GBF1: variants seen among roughly 807,000 people sequenced by gnomAD.
The protein encoded by GBF1 is golgi brefeldin A resistant guanine nucleotide exchange factor 1.
Under a neutral mutation model 210.5 loss-of-function variants are expected in GBF1, and 114 were observed. The ratio of observed to expected loss-of-function variants is 0.54; its 90% CI spans 0.47 to 0.63. The LOEUF is 0.63. Among genes scored for constraint, GBF1 ranks in the 30% least tolerant of loss-of-function variants. GBF1 has a pLI of 0.00. For missense variants in GBF1, 1,851 were observed against 2,357.7 expected, an observed-to-expected ratio of 0.79 and a Z score of 4.45; for synonymous variants, 850 against 889.2, an observed-to-expected ratio of 0.96 and a Z score of 0.78.
intron 3 of GBF1, among the ~76,000 whole-genome samples, chr10:102,339,953 ATTT>A (rs398014644): frequency 4.6e-5 from 6 of 129,242 alleles, no homozygotes; most frequent in Non-Finnish European, 8.0e-5. Flanking sequence ...TACCTGGTTA[ATTT>A]TTTTTTTTTT....
At chr10:102,353,002 C>T (rs2059097227) in intron 7 of GBF1, among the ~76,000 whole-genome samples, 1 of 152,160 alleles carries the variant, frequency 6.6e-6, no homozygotes, top group South Asian at 2.1e-4. Context: ...TAGCCTAGGG[C>T]CTAGGAGGCC....
intron 29 of GBF1, among the ~76,000 whole-genome samples, chr10:102,373,394 G>A (rs551057225): frequency 6.6e-6 from 1 of 152,316 alleles, no homozygotes; most frequent in East Asian, 1.9e-4. Flanking sequence ...GGCCAACATG[G>A]TGAAACCATG....
chr10:102,285,246 G>T (rs370977227), intron 3 of GBF1, among the ~76,000 whole-genome samples: 1 of 152,172 alleles, frequency 6.6e-6, no homozygotes, highest in African/African-American at 2.4e-5. Flanking sequence ...GGTATTTCTG[G>T]TTTCATTTGC....
Position 102,382,659 on chromosome 10 carries a change from G to A in GBF1, c.*323G>A. The A allele has an allele frequency of 3.4e-6, 1 of 295,252 alleles. No homozygotes were observed. The highest frequency in any genetic ancestry group is 6.3e-6 in the Non-Finnish European group (1 of 159,002). 18.3% of individuals were successfully genotyped at this position (295,252 alleles called of 1,614,324 possible). ...CCCTGCAGTGCCTGCCCACGGTCAG[G>A]CATTGAAAACTAAGCCCAACCACTC... On this transcript the variant is annotated 3_prime_UTR_variant, in exon 40 of 40. Coordinates refer to ENST00000369983, the MANE Select transcript of GBF1 (RefSeq NM_001377137.1).
intron 3 of GBF1, among the ~76,000 whole-genome samples, chr10:102,282,426 G>A (rs987022013): frequency 6.6e-5 from 10 of 152,150 alleles, no homozygotes; most frequent in South Asian, 2.1e-4. Context: ...TGCTTTTCAC[G>A]TGAATAAGGG....
At chr10:102,238,136 T>TA in the GBF1 span, among the ~76,000 whole-genome samples, 1 of 152,180 alleles carries the variant, frequency 6.6e-6, no homozygotes, top group African/African-American at 2.4e-5. Context: ...CCCCAACTCT[T>TA]ACCCCACTGA....
Position 102,375,364 on chromosome 10 carries a change from G to C in GBF1, c.3666G>C (p.Leu1222=). The part of the protein sequence containing the change: ...LRREEISAQV[L]LSLRILLLMK... The stretch of plus-strand genomic sequence containing the variant: ...CTGCCCTAACCCCACTCCAGGTGCT[G>C]CTCTCCCTGCGCATTTTGCTACTGA... The change falls in exon 30 of 40, where the codon CTG becomes CTC. Residue 1222 remains leucine, a synonymous_variant. Transcript: ENST00000369983. 1.2e-6 allele frequency: 2 copies of C among 1,605,682 alleles called. No individual in the cohort carries two copies. Among genetic ancestry groups the C allele is most frequent in the Non-Finnish European group, 1.7e-6 (2 of 1,172,498 alleles).
At chr10:102,251,286 G>A (rs1355113434) in intron 1 of GBF1, among the ~76,000 whole-genome samples, 1 of 152,056 alleles carries the variant, frequency 6.6e-6, no homozygotes, top group African/African-American at 2.4e-5. Flanking sequence ...AAAAAGGTTT[G>A]CCAGTGTGGC....
chr10:102,350,076 C>G (rs896936908), intron 4 of GBF1, among the ~76,000 whole-genome samples: 3 of 152,140 alleles, frequency 2.0e-5, no homozygotes, highest in African/African-American at 7.2e-5. Flanking sequence ...TTGGGCCAGG[C>G]ATGGTAGCTC....
In GBF1 at chr10:102,369,234, A is replaced by G; in HGVS notation, c.2997A>G (p.Val999=). ...AGTCTATTGAGAACCTGCCCAGTGT[A>G]TTTGGAAGCAACCCTAAAGCCCATA... is the stretch of plus-strand genomic sequence containing the variant. The part of the protein sequence containing the change: ...SSESIENLPS[V]FGSNPKAHIA... The change falls in exon 24 of 40, where the codon GTA becomes GTG. Residue 999 remains valine, a synonymous_variant. Transcript: ENST00000369983. 6.2e-7 allele frequency: 1 copy of G among 1,613,686 alleles called. No homozygotes were observed. The highest frequency in any genetic ancestry group is 1.3e-5 in the African/African-American group (1 of 75,052).
intron 28 of GBF1, 110 bp from the exon 29 acceptor site, chr10:102,370,597 A>AT: frequency 7.6e-7 from 1 of 1,314,884 alleles, no homozygotes; most frequent in Non-Finnish European, 1.1e-6. Context: ...CTTACTCATC[A>AT]TACCTGTCTA....
Position 102,382,799 on chromosome 10 carries a change from G to A in GBF1, c.*463G>A. On this transcript the variant is annotated 3_prime_UTR_variant, in exon 40 of 40. Transcript: ENST00000369983. ...CTGGCACCATGGAGGGTAGGCAGGT[G>A]GGGGCTGGGTGGGGGACTGCCCACA... 6.1e-6 allele frequency: 1 copy of A among 163,360 alleles called. No homozygotes were observed. Among genetic ancestry groups the A allele is most frequent in the South Asian group, 1.9e-4 (1 of 5,352 alleles). The allele number at this position is 163,360 out of a possible 1,614,324, so 10.1% of individuals were successfully genotyped here.
chr10:102,369,922 AGT>A lies in GBF1; in HGVS notation c.3280_3281del (p.Val1094SerfsTer6). On this transcript the variant is annotated frameshift_variant, in exon 26 of 40. Transcript: ENST00000369983. LOFTEE classifies it high-confidence loss of function. ...AACACTGAGTGGTCCTGAGCAGTCTAGTGTTCGGGGCCCATCCACTGAAAACC... is the reference window on the plus strand; with the variant it reads ...AACACTGAGTGGTCCTGAGCAGTCTAGTTCGGGGCCCATCCACTGAAAACC... ...WLTLSGPEQS[S>X]VRGPSTENQE... The A allele has an allele frequency of 6.2e-7, 1 of 1,614,134 alleles. No individual in the cohort carries two copies.
Position 102,382,854 on chromosome 10 carries a change from A to G in GBF1, c.*518A>G, listed in dbSNP as rs2060930743. On this transcript the variant is annotated 3_prime_UTR_variant, in exon 40 of 40. Coordinates refer to ENST00000369983, the MANE Select transcript of GBF1 (RefSeq NM_001377137.1). ...CATGTACATATGGAAAAACAGAACA[A>G]CAGTGGACTTTTTATGATATAATAA... 6.5e-6 allele frequency: 1 copy of G among 154,186 alleles called. No individual in the cohort carries two copies. Among genetic ancestry groups the G allele is most frequent in the African/African-American group, 2.4e-5 (1 of 41,466 alleles). The allele number at this position is 154,186 out of a possible 1,614,324, so 9.6% of individuals were successfully genotyped here.
chr10:102,326,164 C>G (rs945781), intron 3 of GBF1, among the ~76,000 whole-genome samples: 1 of 152,142 alleles, frequency 6.6e-6, no homozygotes, highest in Admixed American at 6.5e-5. Context: ...TATCTGAGTT[C>G]TAAGTGCTCA....
intron 3 of GBF1, among the ~76,000 whole-genome samples, chr10:102,268,081 CT>C (rs1220076376): frequency 6.6e-6 from 1 of 152,124 alleles, no homozygotes; most frequent in Non-Finnish European, 1.5e-5. Context: ...TTTGCCATTT[CT>C]TTTTACTGGG....
At chr10:102,244,119 G>A (rs940635010), upstream of GBF1, among the ~76,000 whole-genome samples, 1 of 152,072 alleles carries the variant, frequency 6.6e-6, no homozygotes, top group African/African-American at 2.4e-5. Flanking sequence ...GACAAAGCAA[G>A]ACTCTCTCAA....
chr10:102,375,634 CCAG>C (rs1408680548), intron 30 of GBF1, 50 bp downstream of exon 30: 10 of 1,203,208 alleles, frequency 8.3e-6, no homozygotes, highest in Middle Eastern at 1.9e-4. Flanking sequence ...CAGTTACACC[CCAG>C]GAGTTGGGAC....
At position 102,369,930 on chromosome 10, in the gene GBF1, G is replaced by C. The variant is rs775710538; in HGVS notation, c.3285G>C (p.Arg1095=). 6.2e-7 allele frequency: 1 copy of C among 1,614,064 alleles called. No homozygotes were observed. The highest frequency in any genetic ancestry group is 8.5e-7 in the Non-Finnish European group (1 of 1,179,956). The change falls in exon 26 of 40, where the codon CGG becomes CGC. Residue 1095 remains arginine (R), a synonymous_variant. Transcript: ENST00000369983. ...TLSGPEQSSV[R]GPSTENQEAK... is the part of the protein sequence containing the mutation. The stretch of plus-strand genomic sequence containing the variant: ...GTGGTCCTGAGCAGTCTAGTGTTCG[G>C]GGCCCATCCACTGAAAACCAAGAGG...
Sources: allele counts gnomAD v4.1 joint callset (sites outside exome capture counted in the v4.1 genomes callset), GRCh38; gene constraint gnomAD v4.1.1; transcripts MANE v1.5; gene names NCBI Gene and HGNC (gene_info 2026-07-23, HGNC 2026-07-21).